The following GTF3C4 variants were observed in gnomAD, a reference collection of about 807,000 sequenced individuals.
The protein encoded by GTF3C4 is general transcription factor 3C polypeptide 4.
In GTF3C4, 28 loss-of-function variants were observed where a neutral mutation model predicts 67.5. The observed-to-expected ratio is 0.41, with a 90% CI of 0.31 to 0.57. The LOEUF (loss-of-function observed/expected upper bound fraction) is 0.57. Ranked by LOEUF, GTF3C4 falls within the 20% of genes least tolerant of loss-of-function variation. GTF3C4 has a pLI of 0.21. For missense variants in GTF3C4, 831 were observed against 1,033.2 expected (o/e 0.80, Z 2.68); for synonymous variants, 409 against 393.0 (o/e 1.04, Z -0.48).
intron 3 of GTF3C4, among the ~76,000 whole-genome samples, chr9:132,684,943 G>C (rs1010126327): frequency 2.0e-5 from 3 of 152,060 alleles, no homozygotes; most frequent in Admixed American, 2.0e-4. Context: ...TATGAGGACA[G>C]GAACTTATGT....
Position 132,670,581 on chromosome 9 carries a change from CTCTGCACCTGA to C in GTF3C4, c.-17_-7del. 1 of 1,422,086 alleles carries C rather than the reference CTCTGCACCTGA, an allele frequency of 7.0e-7. No individual in the cohort carries two copies. The highest frequency in any genetic ancestry group is 9.2e-7 in the Non-Finnish European group (1 of 1,091,946). 88.1% of individuals were successfully genotyped at this position (1,422,086 alleles called of 1,614,324 possible). The stretch of plus-strand genomic sequence containing the variant: ...TGCGTGGAGCGCCAGGGCGTCCGAC[CTCTGCACCTGA>C]GAGAAGATGAACACGGCCGACCAGG... On this transcript the variant is annotated 5_prime_UTR_variant, in exon 1 of 5. Transcript: ENST00000372146.
At chr9:132,672,250 A>G (rs149864049) in intron 1 of GTF3C4, among the ~76,000 whole-genome samples, 1 of 152,224 alleles carries the variant, frequency 6.6e-6, no homozygotes, top group Non-Finnish European at 1.5e-5. Flanking sequence ...GTTTCCAAGG[A>G]TGTTCATCCG....
chr9:132,670,839 T>C lies in GTF3C4; in HGVS notation c.241T>C (p.Ser81Pro), dbSNP rs762948791. 1 of 1,610,532 alleles carries C rather than the reference T, an allele frequency of 6.2e-7. No individual in the cohort carries two copies. Among genetic ancestry groups the C allele is most frequent in the Non-Finnish European group, 8.5e-7 (1 of 1,179,666 alleles). The change falls in exon 1 of 5, where the codon TCC becomes CCC. Residue 81 changes from serine to proline, a missense_variant. This residue lies in a region of GTF3C4 where 237 missense variants were observed against 212.7 expected (regional missense o/e 1.11). Coordinates refer to ENST00000372146, the MANE Select transcript of GTF3C4 (RefSeq NM_012204.4). ...AWSEDHRVSV[S>P]TARSIAVLEL... ...GTCCGAGGACCACCGCGTGTCTGTG[T>C]CCACGGCCCGCAGCATCGCTGTGCT... is the stretch of plus-strand genomic sequence containing the variant.
Position 132,670,590 on chromosome 9 carries a change from T to G in GTF3C4, c.-9T>G. The G allele has an allele frequency of 6.9e-7, 1 of 1,440,284 alleles. No individual in the cohort carries two copies. Among genetic ancestry groups the G allele is most frequent in the Non-Finnish European group, 9.0e-7 (1 of 1,105,934 alleles). 89.2% of individuals were successfully genotyped at this position (1,440,284 alleles called of 1,614,324 possible). On this transcript the variant is annotated 5_prime_UTR_variant, in exon 1 of 5. Coordinates refer to ENST00000372146, the MANE Select transcript of GTF3C4 (RefSeq NM_012204.4). The stretch of plus-strand genomic sequence containing the variant: ...CGCCAGGGCGTCCGACCTCTGCACC[T>G]GAGAGAAGATGAACACGGCCGACCA...
At position 132,690,960 on chromosome 9, in the gene GTF3C4, A is replaced by ATTT. The variant is rs908897944; in HGVS notation, c.*2018_*2020dup. 1 of 152,194 alleles carries ATTT rather than the reference A, an allele frequency of 6.6e-6. No individual in the cohort carries two copies. Among genetic ancestry groups the ATTT allele is most frequent in the Non-Finnish European group, 1.5e-5 (1 of 68,034 alleles). The allele number at this position is 152,194 out of a possible 1,614,324, so 9.4% of individuals were successfully genotyped here. ...AGGTTTTTATTTAAAGCAGTTGTGC[A>ATTT]TTTTTGAGAAAATGTATTGGGAGTA... On this transcript the variant is annotated 3_prime_UTR_variant, in exon 5 of 5. Coordinates refer to ENST00000372146, the MANE Select transcript of GTF3C4 (RefSeq NM_012204.4).
At chr9:132,670,383 C>T (rs1449558185), upstream of GTF3C4, 3 of 1,200,762 alleles carry the variant, frequency 2.5e-6, no homozygotes, top group African/African-American at 1.6e-5. Context: ...CTCGGGGCTC[C>T]CCGCTCGCTG....
rs1836113614 is a variant in GTF3C4 at position 132,691,374 on chromosome 9, C to G, written c.*2429C>G. ...TGCCTCTTGCAATTCAAACTTACAT[C>G]CTCTATACCGTCCTAAAATTTGCCT... is the stretch of plus-strand genomic sequence containing the variant. On this transcript the variant is annotated 3_prime_UTR_variant, in exon 5 of 5. Transcript: ENST00000372146. 6.6e-6 allele frequency: 1 copy of G among 152,204 alleles called. No individual in the cohort carries two copies. Among genetic ancestry groups the G allele is most frequent in the Non-Finnish European group, 1.5e-5 (1 of 68,036 alleles). The allele number at this position is 152,204 out of a possible 1,614,324, so 9.4% of individuals were successfully genotyped here. A position where few individuals can be genotyped will look rare whatever the true frequency, so the allele number is the denominator to read the frequency against.
chr9:132,681,653 T>C (rs1835946732), intron 2 of GTF3C4, among the ~76,000 whole-genome samples: 1 of 152,198 alleles, frequency 6.6e-6, no homozygotes, highest in South Asian at 2.1e-4. Context: ...ACTGTGTGTA[T>C]ATCTATGTTT....
rs1249210436 is a variant in GTF3C4 at position 132,689,098 on chromosome 9, C to A, written c.*153C>A. On this transcript the variant is annotated 3_prime_UTR_variant, in exon 5 of 5. Transcript: ENST00000372146. ...TAAAGAGGGCCCCTGGAGCTCATTT[C>A]TGAATCGCACTCTCCATTTCCAGAG... is the stretch of plus-strand genomic sequence containing the variant. The A allele has an allele frequency of 3.2e-6, 2 of 628,770 alleles. No homozygotes were observed. The highest frequency in any genetic ancestry group is 5.7e-6 in the Non-Finnish European group (2 of 350,572). The allele number at this position is 628,770 out of a possible 1,614,324, so 38.9% of individuals were successfully genotyped here.
At chr9:132,683,382 GTTCTT>G (rs1361347110) in intron 2 of GTF3C4, among the ~76,000 whole-genome samples, 176 bp from the exon 3 acceptor site, 4 of 152,278 alleles carry the variant, frequency 2.6e-5, no homozygotes, top group African/African-American at 9.6e-5. Context: ...TGAAACTCTA[GTTCTT>G]TTATTTTTCA....
chr9:132,688,759 A>G (rs1367917401), intron 4 of GTF3C4, 122 bp from the exon 5 acceptor site: 3 of 745,614 alleles, frequency 4.0e-6, no homozygotes, highest in Non-Finnish European at 7.4e-6. Context: ...AGGGATATGT[A>G]GCTGGTTTAT....
At position 132,674,998 on chromosome 9, in the gene GTF3C4, C is replaced by T. The variant is rs150155055; in HGVS notation, c.358-2979C>T. ...GTGAGCTGTAGTCACGCCAGCTGCA[C>T]TGCAGCCAGGGTGACAGAGAGGAAT... On this transcript the variant is annotated intron_variant, in intron 1 of 4. Transcript: ENST00000372146. Among the ~76,000 whole-genome samples, 163 of 150,728 alleles carry T rather than the reference C, an allele frequency of 1.1e-3. 1 individual carries two copies. Among genetic ancestry groups the T allele is most frequent in the African/African-American group, 3.9e-3 (162 of 41,436 alleles).
At position 132,678,894 on chromosome 9, in the gene GTF3C4, A is replaced by G. The variant is rs1297393696; in HGVS notation, c.1275A>G (p.Pro425=). ...NSHVTGLHSL[P]IVSMTADKQN... The stretch of plus-strand genomic sequence containing the variant: ...ATGTCACAGGCCTTCACTCACTGCC[A>G]ATTGTCTCCATGACTGCAGACAAAC... The change falls in exon 2 of 5, where the codon CCA becomes CCG. Residue 425 remains proline, a synonymous_variant. Coordinates refer to ENST00000372146, the MANE Select transcript of GTF3C4 (RefSeq NM_012204.4). This position sits in a 1 kb window ranked among gnomAD's most constrained non-coding sequence, Gnocchi z 6.5. The G allele has an allele frequency of 6.2e-7, 1 of 1,614,092 alleles. No individual in the cohort carries two copies. Among genetic ancestry groups the G allele is most frequent in the African/African-American group, 1.3e-5 (1 of 74,938 alleles).
chr9:132,676,100 C>A (rs564102848), intron 1 of GTF3C4, among the ~76,000 whole-genome samples: 1 of 151,280 alleles, frequency 6.6e-6, no homozygotes, highest in East Asian at 2.0e-4. Context: ...GGAGTTTCAC[C>A]GTGTTAGCCA....
chr9:132,674,650 A>G (rs1835838736), intron 1 of GTF3C4, among the ~76,000 whole-genome samples: 1 of 152,228 alleles, frequency 6.6e-6, no homozygotes, highest in Admixed American at 6.5e-5. Flanking sequence ...TTGATGAACA[A>G]TTTTATATCT....
rs764300564 is a variant in GTF3C4, at chr9:132,670,597, A to T, written c.-2A>T. 2 of 1,444,348 alleles carry T rather than the reference A, an allele frequency of 1.4e-6. No homozygotes were observed. The highest frequency in any genetic ancestry group is 1.8e-6 in the Non-Finnish European group (2 of 1,108,854). 89.5% of individuals were successfully genotyped at this position (1,444,348 alleles called of 1,614,324 possible). ...GCGTCCGACCTCTGCACCTGAGAGA[A>T]GATGAACACGGCCGACCAGGCCCGG... On this transcript the variant is annotated 5_prime_UTR_variant, in exon 1 of 5. The change creates a new upstream start codon in the 5' untranslated region. Coordinates refer to ENST00000372146, the MANE Select transcript of GTF3C4 (RefSeq NM_012204.4).
Position 132,693,062 on chromosome 9 carries a change from TC to T in GTF3C4, c.*4120del, listed in dbSNP as rs1836142209. On this transcript the variant is annotated 3_prime_UTR_variant, in exon 5 of 5. Coordinates refer to ENST00000372146, the MANE Select transcript of GTF3C4 (RefSeq NM_012204.4). Reference sequence around the variant, plus strand: ...TATCTAAAGTAGTACAGAATCACTATCCCGATGAAGAAGTGGGGTTTTTCAG... The same window carrying T: ...TATCTAAAGTAGTACAGAATCACTATCCGATGAAGAAGTGGGGTTTTTCAG... The T allele has an allele frequency of 6.6e-6, 1 of 152,182 alleles. No individual in the cohort carries two copies. Among genetic ancestry groups the T allele is most frequent in the Non-Finnish European group, 1.5e-5 (1 of 68,020 alleles). The allele number at this position is 152,182 out of a possible 1,614,324, so 9.4% of individuals were successfully genotyped here.
chr9:132,683,682 C>T lies in GTF3C4; in HGVS notation c.2304C>T (p.His768=). The change falls in exon 3 of 5, where the codon CAC becomes CAT. Residue 768 remains histidine, a synonymous_variant. Coordinates refer to ENST00000372146, the MANE Select transcript of GTF3C4 (RefSeq NM_012204.4). ...DRKQAVCSNG[H]IWLRCFLTYQ... ...AACAGGCAGTCTGTTCCAATGGCCA[C>T]ATTTGGCTCCGGTAAGCCATTTTAA... The T allele has an allele frequency of 1.2e-6, 2 of 1,607,304 alleles. No individual in the cohort carries two copies. The highest frequency in any genetic ancestry group is 1.7e-6 in the Non-Finnish European group (2 of 1,178,424).
intron 1 of GTF3C4, among the ~76,000 whole-genome samples, chr9:132,673,040 C>T (rs1284480242): frequency 2.0e-5 from 3 of 152,082 alleles, no homozygotes; most frequent in African/African-American, 7.2e-5. Context: ...AAAAATTAGC[C>T]GGGCGTGGTG....
Sources: gnomAD v4.1 joint callset for allele counts (sites outside exome capture counted in the v4.1 genomes callset) on GRCh38, gnomAD v4.1.1 for gene constraint, gnomAD v4.1.1 regional missense constraint, Gnocchi (gnomAD v3.1) non-coding constraint, MANE v1.5 for transcripts, NCBI Gene and HGNC (gene_info 2026-07-23, HGNC 2026-07-21) for gene names.